The following ELF1 variants were observed in gnomAD, a reference collection of about 807,000 sequenced individuals.
The protein encoded by ELF1 is E74 like ETS transcription factor 1, also known as ETS-related transcription factor Elf-1.
In ELF1, 24 loss-of-function variants were observed where a neutral mutation model predicts 59.9. That is an observed-to-expected ratio of 0.40 (90% CI 0.29 to 0.56). The LOEUF (loss-of-function observed/expected upper bound fraction) is 0.56, where lower values mean the gene tolerates loss of function less well. Among genes scored for constraint, ELF1 ranks in the 20% least tolerant of loss-of-function variants. ELF1 has a pLI of 0.44. For missense variants in ELF1, 627 were observed against 742.2 expected, an observed-to-expected ratio of 0.84 and a Z score of 1.80; for synonymous variants, 248 against 266.2, an observed-to-expected ratio of 0.93 and a Z score of 0.67.
chr13:40,975,997 C>T (rs996617846), intron 2 of ELF1, among the ~76,000 whole-genome samples: 5 of 152,122 alleles, frequency 3.3e-5, no homozygotes, highest in African/African-American at 9.6e-5. Flanking sequence ...AGATGGCAAA[C>T]GTGAGACTGA....
chr13:40,974,088 A>T (rs1305521948), intron 2 of ELF1, among the ~76,000 whole-genome samples: 2 of 152,200 alleles, frequency 1.3e-5, no homozygotes, highest in Non-Finnish European at 2.9e-5. Flanking sequence ...ATGTCCTAAA[A>T]TTGATTATGG....
chr13:41,005,783 T>A (rs1436511738), intron 1 of ELF1, among the ~76,000 whole-genome samples: 1 of 152,198 alleles, frequency 6.6e-6, no homozygotes, highest in Non-Finnish European at 1.5e-5. Flanking sequence ...TAAGGTGTGC[T>A]CACCTTTCAC....
intron 2 of ELF1, among the ~76,000 whole-genome samples, chr13:40,969,471 T>C (rs769213952): frequency 6.6e-6 from 1 of 152,182 alleles, no homozygotes; most frequent in Admixed American, 6.5e-5. Flanking sequence ...TAACAAGAGT[T>C]GTCACACCAT....
chr13:41,011,918 C>A (rs9315801), intron 1 of ELF1, among the ~76,000 whole-genome samples: 27,974 of 152,070 alleles, frequency 0.18, 3,061 homozygotes, highest in South Asian at 0.39. Context: ...TTGCCACATT[C>A]TTTCAAGTCA....
intron 1 of ELF1, among the ~76,000 whole-genome samples, chr13:41,013,959 A>T (rs1875221604): frequency 6.6e-6 from 1 of 151,994 alleles, no homozygotes; most frequent in Non-Finnish European, 1.5e-5. Context: ...TTATATTTTT[A>T]AAATTGTACC....
At chr13:40,957,688 T>C (rs1025982046) in intron 3 of ELF1, among the ~76,000 whole-genome samples, 4 of 152,058 alleles carry the variant, frequency 2.6e-5, no homozygotes, top group African/African-American at 4.8e-5. Flanking sequence ...CATGAGCCAA[T>C]TAAACTTCTT....
Position 40,949,104 on chromosome 13 carries a change from G to A in ELF1, c.529+702C>T, listed in dbSNP as rs548560025. On this transcript the variant is annotated intron_variant, in intron 5 of 8. Transcript: ENST00000239882. Reference sequence around the variant, plus strand: ...GGGTTCAAGTGATTCTCCTGCCTCAGCTTCCCAAGTAGCTGGGATTACAGG... The same window carrying A: ...GGGTTCAAGTGATTCTCCTGCCTCAACTTCCCAAGTAGCTGGGATTACAGG... Among the ~76,000 whole-genome samples the A allele has an allele frequency of 4.2e-4, 64 of 152,138 alleles. 3 individuals carry two copies. In the South Asian group the frequency reaches 0.013, roughly 30 times the overall value.
intron 1 of ELF1, among the ~76,000 whole-genome samples, chr13:41,013,669 T>C (rs974883875): frequency 6.6e-6 from 1 of 152,116 alleles, no homozygotes; most frequent in African/African-American, 2.4e-5. Flanking sequence ...CAAAACTGTT[T>C]AAATAAAATA....
intron 1 of ELF1, among the ~76,000 whole-genome samples, chr13:41,053,388 T>C (rs1877171170): frequency 6.6e-6 from 1 of 152,132 alleles, no homozygotes; most frequent in Non-Finnish European, 1.5e-5. Flanking sequence ...TAACATTATA[T>C]TTGACCATTA....
intron 1 of ELF1, among the ~76,000 whole-genome samples, chr13:40,991,534 C>T (rs1593383043): frequency 6.6e-6 from 1 of 152,264 alleles, no homozygotes; most frequent in South Asian, 2.1e-4. Flanking sequence ...GCCTTAGTCT[C>T]CCAAAGTGCT....
chr13:40,935,792 C>G (rs1869727834), intron 8 of ELF1, among the ~76,000 whole-genome samples: 1 of 151,872 alleles, frequency 6.6e-6, no homozygotes, highest in African/African-American at 2.4e-5. Flanking sequence ...TCTGCCTCAG[C>G]CTCCCGAGTA....
intron 1 of ELF1, chr13:41,060,792 C>T (rs930847019): frequency 7.4e-5 from 14 of 188,218 alleles, no homozygotes; most frequent in Non-Finnish European, 1.4e-4. Context: ...GGAATCCTAA[C>T]CGCTAGACCA....
chr13:40,941,446 A>G, intron 7 of ELF1, 76 bp from the exon 8 acceptor site: 4 of 1,376,026 alleles, frequency 2.9e-6, no homozygotes, highest in Non-Finnish European at 3.9e-6. Flanking sequence ...TTCCCTAATC[A>G]TAAACAAAAC....
At chr13:41,032,318 A>G (rs1031323038) in intron 1 of ELF1, among the ~76,000 whole-genome samples, 5 of 151,606 alleles carry the variant, frequency 3.3e-5, no homozygotes, top group Admixed American at 1.3e-4. Context: ...CCCGGGTTCA[A>G]GTGATTCTCC....
At chr13:41,035,850 C>A (rs867916445) in intron 1 of ELF1, among the ~76,000 whole-genome samples, 1,650 of 148,302 alleles carry the variant, frequency 0.011, 35 homozygotes, top group African/African-American at 0.038. Flanking sequence ...AAAAAAACAA[C>A]AACAACAACA....
intron 1 of ELF1, among the ~76,000 whole-genome samples, chr13:41,000,158 C>T (rs1874340308): frequency 6.7e-6 from 1 of 148,486 alleles, no homozygotes; most frequent in Admixed American, 6.7e-5. Flanking sequence ...ACAAAATCTT[C>T]ATTTTCTTAC....
chr13:41,016,880 C>A (rs1487217100), intron 1 of ELF1, among the ~76,000 whole-genome samples: 2 of 121,102 alleles, frequency 1.7e-5, no homozygotes, highest in Non-Finnish European at 3.2e-5. Context: ...CACCATTGCA[C>A]TCCAGCATGG....
chr13:41,040,619 A>G lies in ELF1; in HGVS notation c.-229+20219T>C, dbSNP rs116613004. On this transcript the variant is annotated intron_variant, in intron 1 of 1. Coordinates refer to the ELF1 transcript ENST00000405737. ...GAAGCAGGCAACCTAGATCCCTCAC[A>G]TGTACAGTTCACAATACGGTTCATA... 2.0e-3 allele frequency among the ~76,000 whole-genome samples: 297 copies of G among 152,174 alleles called. 2 individuals carry two copies. Among genetic ancestry groups the G allele is most frequent in the African/African-American group, 5.7e-3 (237 of 41,504 alleles).
At chr13:41,033,224 G>A (rs889445935) in intron 1 of ELF1, among the ~76,000 whole-genome samples, 1 of 152,174 alleles carries the variant, frequency 6.6e-6, no homozygotes, top group Non-Finnish European at 1.5e-5. Flanking sequence ...TGGAGTGGGT[G>A]ACCCAGGCTG....
Sources: gnomAD v4.1 joint callset for allele counts (sites outside exome capture counted in the v4.1 genomes callset) on GRCh38, gnomAD v4.1.1 for gene constraint, MANE v1.5 for transcripts, NCBI Gene and HGNC (gene_info 2026-07-23, HGNC 2026-07-21) for gene names.